The following TAOK1 variants were observed in gnomAD, a reference collection of about 807,000 sequenced individuals.
TAOK1 encodes TAO kinase 1, also known as serine/threonine-protein kinase TAO1.
Under a neutral mutation model 138.3 loss-of-function variants are expected in TAOK1, and 21 were observed. That is an observed-to-expected ratio of 0.15 (90% CI 0.11 to 0.22). The LOEUF (loss-of-function observed/expected upper bound fraction) is 0.22. Ranked by LOEUF, TAOK1 falls within the 10% of genes least tolerant of loss-of-function variation. TAOK1 has a pLI of 1.00. For missense variants in TAOK1, 651 were observed against 1,227.7 expected, an observed-to-expected ratio of 0.53 and a Z score of 7.02; for synonymous variants, 361 against 398.4, an observed-to-expected ratio of 0.91 and a Z score of 1.12.
rs900059074 is a variant in TAOK1, at chr17:29,426,160, G to A, written c.-94-25295G>A. On this transcript the variant is annotated intron_variant, in intron 1 of 19. Coordinates refer to ENST00000261716, the MANE Select transcript of TAOK1 (RefSeq NM_020791.4). ...CTCCCAAAGTGCTGGGATTACAGGC[G>A]TGAGCCACCGCACCCGGCCAAGAAT... Among the ~76,000 whole-genome samples the A allele has an allele frequency of 4.6e-5, 7 of 152,144 alleles. No homozygotes were observed. The South Asian group carries it at 6.2e-4, about 13-fold the overall frequency.
intron 2 of TAOK1, among the ~76,000 whole-genome samples, chr17:29,462,148 C>T (rs2030545932): frequency 6.6e-6 from 1 of 152,132 alleles, no homozygotes; most frequent in East Asian, 1.9e-4. Context: ...AAAAATAGCT[C>T]TTTAACACAC....
chr17:29,490,741 A>G (rs2031280402), intron 9 of TAOK1, among the ~76,000 whole-genome samples: 1 of 152,244 alleles, frequency 6.6e-6, no homozygotes, highest in African/African-American at 2.4e-5. Flanking sequence ...TATAAAGAAC[A>G]GAAATTTATT....
At chr17:29,539,412 G>A (rs1478151517) in intron 19 of TAOK1, among the ~76,000 whole-genome samples, 2 of 152,120 alleles carry the variant, frequency 1.3e-5, no homozygotes, top group Admixed American at 6.6e-5. Context: ...GGGTGTGGTG[G>A]TGCATGCCTG....
chr17:29,437,964 C>T (rs879322286), intron 1 of TAOK1, among the ~76,000 whole-genome samples: 7 of 152,038 alleles, frequency 4.6e-5, no homozygotes, highest in Non-Finnish European at 1.0e-4. Flanking sequence ...GGCCTCCTGA[C>T]CTTGTGATTC....
intron 1 of TAOK1, among the ~76,000 whole-genome samples, chr17:29,423,224 CTT>C (rs200888309): frequency 1.8e-5 from 2 of 112,706 alleles, no homozygotes; most frequent in Non-Finnish European, 1.9e-5. Flanking sequence ...TTCTTCTTTT[CTT>C]TTTTTTTTTT....
At chr17:29,487,069 T>C (rs2031186864) in intron 8 of TAOK1, among the ~76,000 whole-genome samples, 1 of 152,032 alleles carries the variant, frequency 6.6e-6, no homozygotes, top group Admixed American at 6.6e-5. Context: ...GTCAACATGG[T>C]GAAACCCCGT....
chr17:29,520,626 G>C (rs2031896857), intron 16 of TAOK1, among the ~76,000 whole-genome samples: 3 of 151,686 alleles, frequency 2.0e-5, no homozygotes, highest in Admixed American at 2.0e-4. Flanking sequence ...TGTTGACCAG[G>C]TTGGTCTCGA....
chr17:29,533,918 T>C (rs953377534), intron 18 of TAOK1, among the ~76,000 whole-genome samples, 200 bp from the exon 19 acceptor site: 2 of 152,088 alleles, frequency 1.3e-5, no homozygotes, highest in African/African-American at 4.8e-5. Context: ...TAGCTTATGA[T>C]AGCTTTATCT....
chr17:29,478,608 A>G (rs1435641478), intron 6 of TAOK1, among the ~76,000 whole-genome samples: 1 of 152,162 alleles, frequency 6.6e-6, no homozygotes, highest in Non-Finnish European at 1.5e-5. Flanking sequence ...AAATTTAGCT[A>G]TAGAATCATT....
intron 1 of TAOK1, among the ~76,000 whole-genome samples, chr17:29,399,155 T>G (rs1338897818): frequency 6.6e-6 from 1 of 151,944 alleles, no homozygotes; most frequent in African/African-American, 2.4e-5. Context: ...TGGCTAATTT[T>G]TGTATTTTTT....
intron 11 of TAOK1, among the ~76,000 whole-genome samples, chr17:29,497,913 C>CT (rs899626966): frequency 4.9e-4 from 71 of 144,502 alleles, no homozygotes; most frequent in East Asian, 2.2e-3. Flanking sequence ...ATAGCCAGTG[C>CT]TTTTTTTTTT....
chr17:29,454,485 AAGACTT>A (rs1460691988), intron 2 of TAOK1, among the ~76,000 whole-genome samples: 5 of 152,110 alleles, frequency 3.3e-5, no homozygotes, highest in African/African-American at 1.2e-4. Context: ...TCTGCAAAAA[AAGACTT>A]AGAATTTTGA....
rs979934031 is a variant in TAOK1 at position 29,546,100 on chromosome 17, A to G, written c.*3078A>G. The G allele has an allele frequency of 2.0e-5, 3 of 152,106 alleles. No individual in the cohort carries two copies. Among genetic ancestry groups the G allele is most frequent in the African/African-American group, 7.2e-5 (3 of 41,424 alleles). 9.4% of individuals were successfully genotyped at this position (152,106 alleles called of 1,614,324 possible). A position where few individuals can be genotyped will look rare whatever the true frequency, so the allele number is the denominator to read the frequency against. ...CTCTAACCCCAAATTCTAGTATCCA[A>G]AAGTATTTTTATTTGTATAATGCTA... is the stretch of plus-strand genomic sequence containing the variant. On this transcript the variant is annotated 3_prime_UTR_variant, in exon 20 of 20. Transcript: ENST00000261716.
At position 29,493,884 on chromosome 17, in the gene TAOK1, GCAT is replaced by G. The variant is rs2031357219; in HGVS notation, c.832-1675_832-1673del. Among the ~76,000 whole-genome samples the G allele has an allele frequency of 3.9e-5, 6 of 152,068 alleles. No homozygotes were observed. In the South Asian group the frequency reaches 1.2e-3, roughly 32 times the overall value. On this transcript the variant is annotated intron_variant, in intron 10 of 19. Transcript: ENST00000261716. ...AAACATTTGATGAAATATTCTACAG[GCAT>G]TATGTTTATGAGTTTGAAATAATAA...
At chr17:29,452,824 T>G (rs2030271820) in intron 2 of TAOK1, among the ~76,000 whole-genome samples, 1 of 152,270 alleles carries the variant, frequency 6.6e-6, no homozygotes, top group Non-Finnish European at 1.5e-5. Context: ...TTCATTCTTC[T>G]TTATAGCTGA....
intron 1 of TAOK1, among the ~76,000 whole-genome samples, chr17:29,413,121 T>C (rs1290709327): frequency 2.6e-5 from 4 of 152,200 alleles, no homozygotes; most frequent in African/African-American, 9.7e-5. Flanking sequence ...GGCTTACTCA[T>C]AGTCATTGTT....
chr17:29,395,460 G>A lies in TAOK1; in HGVS notation c.-95+4436G>A, dbSNP rs531737290. Among the ~76,000 whole-genome samples, 4 of 152,302 alleles carry A rather than the reference G, an allele frequency of 2.6e-5. No individual in the cohort carries two copies. In the South Asian group the frequency reaches 8.3e-4, roughly 32 times the overall value. ...GCAGGAGAATCACTTGAACCCAGGA[G>A]GTGGAGGTTACAGTGAGTTGAGATG... On this transcript the variant is annotated intron_variant, in intron 1 of 19. Coordinates refer to ENST00000261716, the MANE Select transcript of TAOK1 (RefSeq NM_020791.4).
At chr17:29,520,472 G>A (rs1249292979) in intron 16 of TAOK1, among the ~76,000 whole-genome samples, 1 of 151,422 alleles carries the variant, frequency 6.6e-6, no homozygotes, top group Non-Finnish European at 1.5e-5. Context: ...GGAATGCAGT[G>A]GTGTGATCTC....
At chr17:29,504,762 G>A (rs1276233431) in intron 13 of TAOK1, among the ~76,000 whole-genome samples, 1 of 152,214 alleles carries the variant, frequency 6.6e-6, no homozygotes, top group Non-Finnish European at 1.5e-5. Context: ...ATAAGCAGAT[G>A]TTGTAAATCC....
Sources: allele counts gnomAD v4.1 joint callset (sites outside exome capture counted in the v4.1 genomes callset), GRCh38; gene constraint gnomAD v4.1.1; transcripts MANE v1.5; gene names NCBI Gene and HGNC (gene_info 2026-07-23, HGNC 2026-07-21).